The following DLK1 variants were observed in gnomAD, a reference collection of about 807,000 sequenced individuals.
DLK1 encodes protein delta homolog 1.
A neutral mutation model predicts 35.2 loss-of-function variants in DLK1; 9 were observed. That is an observed-to-expected ratio of 0.26 (90% confidence interval 0.15 to 0.45). DLK1 has a LOEUF of 0.45. Ranked by LOEUF, DLK1 falls within the 20% of genes least tolerant of loss-of-function variation. The pLI is 1.00. For synonymous variants in DLK1, 231 were observed against 228.4 expected (o/e 1.01, Z -0.10); for missense variants, 522 against 528.5 (o/e 0.99, Z 0.12).
In DLK1 at chr14:100,732,324, G is replaced by A. The variant is rs1203332062; in HGVS notation, c.404+141G>A. The A allele has an allele frequency of 4.7e-6, 6 of 1,290,146 alleles. No homozygotes were observed. The East Asian group carries it at 1.0e-4, about 22-fold the overall frequency. 79.9% of individuals were successfully genotyped at this position (1,290,146 alleles called of 1,614,324 possible). On this transcript the variant is annotated intron_variant, in intron 4 of 4. Transcript: ENST00000341267. ...CATCCTGGCAGCCCCGTAGGGGACC[G>A]CCCTGGATGGGAGTATTCACGGGGG...
Position 100,735,042 on chromosome 14 carries a change from G to A in DLK1, c.*146G>A, listed in dbSNP as rs1471072574. Reference sequence around the variant, plus strand: ...ACATATATTGTCTTTGTGCTGCTGTGTGACAAACGCAATGCAAAAACAATC... The same window carrying A: ...ACATATATTGTCTTTGTGCTGCTGTATGACAAACGCAATGCAAAAACAATC... On this transcript the variant is annotated 3_prime_UTR_variant, in exon 5 of 5. Coordinates refer to ENST00000341267, the MANE Select transcript of DLK1 (RefSeq NM_003836.7). 1.7e-5 allele frequency: 18 copies of A among 1,087,316 alleles called. No individual in the cohort carries two copies. The highest frequency in any genetic ancestry group is 9.0e-5 in the Admixed American group (3 of 33,230). The allele number at this position is 1,087,316 out of a possible 1,614,324, so 67.4% of individuals were successfully genotyped here.
rs775586658 is a variant in DLK1, at chr14:100,734,437, C to T, written c.693C>T (p.Tyr231=). The part of the protein sequence containing the change: ...GTCLQHTQVS[Y]ECLCKPEFTG... Reference sequence around the variant, plus strand: ...GCCTGCAGCACACCCAGGTGAGCTACGAGTGTCTGTGCAAGCCCGAGTTCA... The same window carrying T: ...GCCTGCAGCACACCCAGGTGAGCTATGAGTGTCTGTGCAAGCCCGAGTTCA... The change falls in exon 5 of 5, where the codon TAC becomes TAT. Residue 231 remains tyrosine (Y), a synonymous_variant. Coordinates refer to ENST00000341267, the MANE Select transcript of DLK1 (RefSeq NM_003836.7). The surrounding 1 kb of genome is among the most constrained non-coding windows in gnomAD (Gnocchi z 7.4). 27 of 1,612,052 alleles carry T rather than the reference C, an allele frequency of 1.7e-5. No homozygotes were observed. In the African/African-American group the frequency reaches 2.1e-4, roughly 13 times the overall value.
Position 100,734,022 on chromosome 14 carries a change from C to T in DLK1, c.405-127C>T, listed in dbSNP as rs553610357. 255 of 1,253,920 alleles carry T rather than the reference C, an allele frequency of 2.0e-4. No homozygotes were observed. The African/African-American group carries it at 3.6e-3, about 18-fold the overall frequency. The allele number at this position is 1,253,920 out of a possible 1,614,324, so 77.7% of individuals were successfully genotyped here. On this transcript the variant is annotated intron_variant, in intron 4 of 4. Transcript: ENST00000341267. The surrounding 1 kb of genome is among the most constrained non-coding windows in gnomAD (Gnocchi z 7.4). Reference sequence around the variant, plus strand: ...GCGTTCCCTCCCTCGCTCCCTCATTCACCTGATGTGTTTTAAGCACCTGCC... The same window carrying T: ...GCGTTCCCTCCCTCGCTCCCTCATTTACCTGATGTGTTTTAAGCACCTGCC...
chr14:100,728,962 T>C lies in DLK1; in HGVS notation c.158T>C (p.Leu53Pro), dbSNP rs1567020622. The change falls in exon 3 of 5, where the codon CTT becomes CCT. Residue 53 changes from leucine to proline, a missense_variant. Physicochemically the swap from Leu to Pro is moderately conservative, Grantham distance 98. Transcript: ENST00000341267. ...TGCCAGCCTGGCTGGCAGGGTCCCCTTTGTGACCAGTGCGTGACCTCTCCC... is the reference window on the plus strand; with the variant it reads ...TGCCAGCCTGGCTGGCAGGGTCCCCCTTGTGACCAGTGCGTGACCTCTCCC... Reference protein sequence around the residue: ...CRCQPGWQGPLCDQCVTSPGC... With the variant: ...CRCQPGWQGPPCDQCVTSPGC... The C allele has an allele frequency of 6.2e-6, 10 of 1,613,968 alleles. No homozygotes were observed. In the East Asian group the frequency reaches 2.2e-4, roughly 36 times the overall value.
Position 100,729,048 on chromosome 14 carries a change from G to C in DLK1, c.244G>C (p.Gly82Arg). 6.2e-7 allele frequency: 1 copy of C among 1,613,888 alleles called. No homozygotes were observed. Among genetic ancestry groups the C allele is most frequent in the Non-Finnish European group, 8.5e-7 (1 of 1,180,028 alleles). Reference protein sequence around the residue: ...GQCICTDGWDGELCDRDVRAC... With the variant: ...GQCICTDGWDRELCDRDVRAC... ...GTGCATTTGCACCGACGGCTGGGAC[G>C]GGGAGCTCTGTGATAGAGGTTGGCA... The change falls in exon 3 of 5, where the codon GGG becomes CGG. Residue 82 changes from glycine to arginine, a missense_variant. Gly to Arg is a moderately radical substitution (Grantham distance 125, BLOSUM62 -2). Transcript: ENST00000341267.
Position 100,735,087 on chromosome 14 carries a change from C to A in DLK1, c.*191C>A. On this transcript the variant is annotated 3_prime_UTR_variant, in exon 5 of 5. Coordinates refer to ENST00000341267, the MANE Select transcript of DLK1 (RefSeq NM_003836.7). ...ACAATCCTCTTTCTCTCTCTTAATGCATGATACAGAATAATAATAAGAATT... is the reference window on the plus strand; with the variant it reads ...ACAATCCTCTTTCTCTCTCTTAATGAATGATACAGAATAATAATAAGAATT... 1.8e-6 allele frequency: 1 copy of A among 561,492 alleles called. No homozygotes were observed. The highest frequency in any genetic ancestry group is 2.9e-6 in the Non-Finnish European group (1 of 345,074). 34.8% of individuals were successfully genotyped at this position (561,492 alleles called of 1,614,324 possible).
intron 1 of DLK1, among the ~76,000 whole-genome samples, chr14:100,727,951 A>G (rs2036456311): frequency 6.6e-6 from 1 of 152,082 alleles, no homozygotes; most frequent in African/African-American, 2.4e-5. Flanking sequence ...GGCGCCCACC[A>G]GGTGAACCTG....
At chr14:100,729,257 T>A (rs986150292) in intron 3 of DLK1, 191 bp downstream of exon 3, 1 of 1,006,168 alleles carries the variant, frequency 9.9e-7, no homozygotes, top group South Asian at 1.4e-5. Flanking sequence ...GGTAGGGACT[T>A]TATTTTGCTC....
chr14:100,733,902 A>T (rs1422059054), intron 4 of DLK1, among the ~76,000 whole-genome samples: 1 of 151,790 alleles, frequency 6.6e-6, no homozygotes, highest in African/African-American at 2.4e-5. Context: ...GATGGGGGTG[A>T]GGTGGGCACC....
At position 100,732,155 on chromosome 14, in the gene DLK1, A is replaced by G; in HGVS notation, c.376A>G (p.Lys126Glu). The G allele has an allele frequency of 6.2e-7, 1 of 1,613,810 alleles. No homozygotes were observed. Among genetic ancestry groups the G allele is most frequent in the South Asian group, 1.1e-5 (1 of 91,024 alleles). ...CGGGTACTCGGGAAAGGACTGCCAG[A>G]AAAAGGACGGGCCCTGTGTGATCAA... ...APGYSGKDCQKKDGPCVINGS... is the reference protein window; with the variant it reads ...APGYSGKDCQEKDGPCVINGS... Residue 126 changes from lysine to glutamate, a missense_variant, in exon 4 of 5, where the codon AAA becomes GAA. Coordinates refer to ENST00000341267, the MANE Select transcript of DLK1 (RefSeq NM_003836.7).
In DLK1 at chr14:100,729,509, G is replaced by C. The variant is rs572794967; in HGVS notation, c.262+443G>C. On this transcript the variant is annotated intron_variant, in intron 3 of 4. Transcript: ENST00000341267. ...GAGGCTGCAAACAAACAAACGGGGT[G>C]GGGGGTGGCCAGCACTGCTCAGTGG... Among the ~76,000 whole-genome samples the C allele has an allele frequency of 2.7e-3, 416 of 152,120 alleles. 1 individual carries two copies. The highest frequency in any genetic ancestry group is 5.9e-3 in the African/African-American group (243 of 41,482).
In DLK1 at chr14:100,729,012, G is replaced by A. The variant is rs749799331; in HGVS notation, c.208G>A (p.Glu70Lys). The change falls in exon 3 of 5, where the codon GAA becomes AAA. Residue 70 changes from glutamate to lysine, a missense_variant. Transcript: ENST00000341267. ...SPGCLHGLCG[E>K]PGQCICTDGW... ...CGGCTGCCTTCACGGACTCTGTGGA[G>A]AACCCGGGCAGTGCATTTGCACCGA... 1.2e-6 allele frequency: 2 copies of A among 1,614,112 alleles called. No homozygotes were observed. Among genetic ancestry groups the A allele is most frequent in the South Asian group, 2.2e-5 (2 of 91,082 alleles).
rs375822521 is a variant in DLK1 at position 100,728,477 on chromosome 14, C to T, written c.131+18C>T. ...GTTTGCAGGTAATAGAGTGGCTCCT[C>T]AGAGGCAGCTTGTAGGGGCCACGCA... On this transcript the variant is annotated intron_variant, in intron 2 of 4. Transcript: ENST00000341267. 12 of 1,613,702 alleles carry T rather than the reference C, an allele frequency of 7.4e-6. No individual in the cohort carries two copies. In the African/African-American group the frequency reaches 1.5e-4, roughly 20 times the overall value.
chr14:100,733,226 T>TAG (rs2036529723), intron 4 of DLK1, among the ~76,000 whole-genome samples: 1 of 152,194 alleles, frequency 6.6e-6, no homozygotes, highest in Admixed American at 6.5e-5. Flanking sequence ...TGTGTCAAAA[T>TAG]AGAGCCTAAG....
rs2036585450 is a variant in DLK1, at chr14:100,737,347, CCT to C, written c.*2457_*2458del. On this transcript the variant is annotated 3_prime_UTR_variant, in exon 5 of 5. Coordinates refer to ENST00000341267, the MANE Select transcript of DLK1 (RefSeq NM_003836.7). Reference sequence around the variant, plus strand: ...GGCGGGCGTCTGGTACCCTGCCTGGCCTCTCTCAGCGTGAGACCTGGACTGAG... The same window carrying C: ...GGCGGGCGTCTGGTACCCTGCCTGGCCTCTCAGCGTGAGACCTGGACTGAG... 6.6e-6 allele frequency: 1 copy of C among 151,902 alleles called. No homozygotes were observed. The highest frequency in any genetic ancestry group is 6.6e-5 in the Admixed American group (1 of 15,264). The allele number at this position is 151,902 out of a possible 1,614,324, so 9.4% of individuals were successfully genotyped here.
chr14:100,732,142 A>G lies in DLK1; in HGVS notation c.363A>G (p.Gly121=). The G allele has an allele frequency of 2.5e-6, 4 of 1,614,066 alleles. No individual in the cohort carries two copies. Among genetic ancestry groups the G allele is most frequent in the Non-Finnish European group, 3.4e-6 (4 of 1,179,982 alleles). The change falls in exon 4 of 5, where the codon GGA becomes GGG. Residue 121 remains glycine, a synonymous_variant. Transcript: ENST00000341267. ...GCTCCTGTGCCCCCGGGTACTCGGG[A>G]AAGGACTGCCAGAAAAAGGACGGGC... ...YECSCAPGYS[G]KDCQKKDGPC...
chr14:100,728,632 G>T (rs1456786723), intron 2 of DLK1, 173 bp downstream of exon 2: 2 of 258,956 alleles, frequency 7.7e-6, no homozygotes, highest in African/African-American at 2.4e-5. Context: ...GGCGGGGGGG[G>T]GGCAGCCACA....
Position 100,734,165 on chromosome 14 carries a change from G to A in DLK1, c.421G>A (p.Gly141Arg), listed in dbSNP as rs371086475. ...GTGTTGCAGCTCCCCCTGCCAGCACGGAGGCACCTGCGTGGATGATGAGGG... is the reference window on the plus strand; with the variant it reads ...GTGTTGCAGCTCCCCCTGCCAGCACAGAGGCACCTGCGTGGATGATGAGGG... ...CVINGSPCQH[G>R]GTCVDDEGRA... Residue 141 changes from glycine to arginine, a missense_variant, in exon 5 of 5, where the codon GGA becomes AGA. By Grantham distance (125) the Gly-to-Arg change is moderately radical. Coordinates refer to ENST00000341267, the MANE Select transcript of DLK1 (RefSeq NM_003836.7). The surrounding 1 kb of genome is among the most constrained non-coding windows in gnomAD (Gnocchi z 7.4). 14 of 1,608,102 alleles carry A rather than the reference G, an allele frequency of 8.7e-6. No homozygotes were observed. Among genetic ancestry groups the A allele is most frequent in the East Asian group, 4.5e-5 (2 of 44,848 alleles).
At chr14:100,729,320 G>C (rs1173249116) in intron 3 of DLK1, 1 of 672,352 alleles carries the variant, frequency 1.5e-6, no homozygotes, top group Non-Finnish European at 2.6e-6. Flanking sequence ...GTGGGGGCCA[G>C]GGAGCTGCCT....
Sources: allele counts gnomAD v4.1 joint callset (sites outside exome capture counted in the v4.1 genomes callset), GRCh38; gene constraint gnomAD v4.1.1; non-coding constraint Gnocchi (gnomAD v3.1); transcripts MANE v1.5; gene names NCBI Gene and HGNC (gene_info 2026-07-23, HGNC 2026-07-21).